RBMS3: variants seen among roughly 807,000 people sequenced by gnomAD.
RBMS3 encodes RNA-binding motif, single-stranded-interacting protein 3.
In RBMS3, 27 loss-of-function variants were observed where a neutral mutation model predicts 66.8. The ratio of observed to expected loss-of-function variants is 0.40; its 90% CI spans 0.30 to 0.56. The LOEUF (loss-of-function observed/expected upper bound fraction) is 0.56, where lower values mean the gene tolerates loss of function less well. Ranked by LOEUF, RBMS3 falls within the 20% of genes least tolerant of loss-of-function variation. The pLI is 0.40. For missense variants in RBMS3, 513 were observed against 549.5 expected, an observed-to-expected ratio of 0.93 and a Z score of 0.66; for synonymous variants, 188 against 183.0, an observed-to-expected ratio of 1.03 and a Z score of -0.22.
intron 10 of RBMS3, among the ~76,000 whole-genome samples, chr3:29,923,482 T>A (rs925358437): frequency 6.6e-6 from 1 of 152,198 alleles, no homozygotes; most frequent in African/African-American, 2.4e-5. Flanking sequence ...GGCTTGCTCT[T>A]GCATGAAATA....
At chr3:29,787,512 A>T (rs1417630840) in intron 6 of RBMS3, among the ~76,000 whole-genome samples, 3 of 152,226 alleles carry the variant, frequency 2.0e-5, no homozygotes, top group Non-Finnish European at 2.9e-5. Flanking sequence ...ATAAAAAGGA[A>T]TGAAATAATG....
chr3:29,999,739 C>T (rs1448597427), intron 14 of RBMS3, among the ~76,000 whole-genome samples: 1 of 151,550 alleles, frequency 6.6e-6, no homozygotes, highest in Non-Finnish European at 1.5e-5. Context: ...AGGGGAACAT[C>T]ACACACCGGG....
chr3:29,400,249 A>G (rs374819325), intron 1 of RBMS3, among the ~76,000 whole-genome samples: 4 of 152,244 alleles, frequency 2.6e-5, no homozygotes, highest in African/African-American at 9.6e-5. Context: ...TGCTGACACC[A>G]CAGACATTCT....
intron 2 of RBMS3, among the ~76,000 whole-genome samples, chr3:29,468,323 C>G (rs961759840): frequency 6.6e-6 from 1 of 152,124 alleles, no homozygotes; most frequent in South Asian, 2.1e-4. Flanking sequence ...AGAAGGCTTG[C>G]GGTTTGATGG....
intron 2 of RBMS3, among the ~76,000 whole-genome samples, chr3:29,457,828 T>A: frequency 1.7e-5 from 1 of 58,852 alleles, no homozygotes; most frequent in East Asian, 4.0e-4. Context: ...CAATTTGCAC[T>A]TTTTTTTTTT....
At chr3:29,651,999 C>T (rs534166585) in intron 4 of RBMS3, among the ~76,000 whole-genome samples, 2 of 152,234 alleles carry the variant, frequency 1.3e-5, no homozygotes, top group South Asian at 2.1e-4. Flanking sequence ...CCAGCTTATA[C>T]GCACATAAAT....
chr3:29,900,815 G>A (rs2060234074), intron 10 of RBMS3, among the ~76,000 whole-genome samples: 2 of 151,824 alleles, frequency 1.3e-5, no homozygotes, highest in East Asian at 3.9e-4. Context: ...CATTATACAA[G>A]GAAGAAGCAG....
At chr3:29,984,266 C>T (rs868312438) in intron 12 of RBMS3, among the ~76,000 whole-genome samples, 2 of 151,826 alleles carry the variant, frequency 1.3e-5, no homozygotes, top group African/African-American at 4.8e-5. Flanking sequence ...TCCATCAGGT[C>T]ATATATGTTC....
At chr3:29,796,257 C>T (rs2057180451) in intron 6 of RBMS3, among the ~76,000 whole-genome samples, 1 of 152,130 alleles carries the variant, frequency 6.6e-6, no homozygotes. Context: ...AGCCACCGTG[C>T]CCACCCCCAT....
rs1050808222 is a variant in RBMS3, at chr3:29,443,820, A to G, written c.248+8905A>G. Among the ~76,000 whole-genome samples the G allele has an allele frequency of 8.5e-5, 13 of 152,066 alleles. 1 individual carries two copies. Among genetic ancestry groups the G allele is most frequent in the African/African-American group, 3.1e-4 (13 of 41,422 alleles). Reference sequence around the variant, plus strand: ...GGAATATATTTTGGAGATAGTTTTGATAGCATTTACTCATGAATGGCATAT... The same window carrying G: ...GGAATATATTTTGGAGATAGTTTTGGTAGCATTTACTCATGAATGGCATAT... On this transcript the variant is annotated intron_variant, in intron 2 of 14. Coordinates refer to ENST00000383767, the MANE Select transcript of RBMS3 (RefSeq NM_001003793.3).
chr3:29,991,827 A>G (rs1191739619), intron 14 of RBMS3: 1 of 152,232 alleles, frequency 6.6e-6, no homozygotes, highest in Admixed American at 6.5e-5. Flanking sequence ...TTGTAGGGTT[A>G]CTTTGAATAC....
chr3:29,790,019 G>T (rs575112851), intron 6 of RBMS3, among the ~76,000 whole-genome samples: 1 of 152,070 alleles, frequency 6.6e-6, no homozygotes, highest in Non-Finnish European at 1.5e-5. Flanking sequence ...AAAGACAAAA[G>T]GTGTTATATC....
chr3:29,713,027 A>G (rs1051951766), intron 4 of RBMS3, among the ~76,000 whole-genome samples: 1 of 152,114 alleles, frequency 6.6e-6, no homozygotes, highest in Non-Finnish European at 1.5e-5. Flanking sequence ...GAACCTTAAT[A>G]TATTTTCCCT....
intron 1 of RBMS3, among the ~76,000 whole-genome samples, chr3:29,362,111 G>C (rs9829147): frequency 0.099 from 15,017 of 152,212 alleles, 1,496 homozygotes; most frequent in African/African-American, 0.26. Context: ...TCCTTTGGAG[G>C]AGGAGAGGCG....
chr3:29,663,807 C>A (rs182935264), intron 4 of RBMS3, among the ~76,000 whole-genome samples: 1 of 152,186 alleles, frequency 6.6e-6, no homozygotes, highest in African/African-American at 2.4e-5. Flanking sequence ...TTGGCTAACT[C>A]ATATATATGG....
chr3:29,490,166 T>A (rs923733147), intron 3 of RBMS3, among the ~76,000 whole-genome samples: 2 of 151,316 alleles, frequency 1.3e-5, no homozygotes, highest in Non-Finnish European at 2.9e-5. Flanking sequence ...AAATTAAATT[T>A]AATTTAAAAT....
At chr3:29,747,714 CAAAG>C (rs1281249737) in intron 5 of RBMS3, among the ~76,000 whole-genome samples, 3 of 152,110 alleles carry the variant, frequency 2.0e-5, no homozygotes, top group Non-Finnish European at 2.9e-5. Context: ...AAACTCTCAG[CAAAG>C]AAAGGGGTAG....
chr3:29,727,750 C>T (rs1003038459), intron 4 of RBMS3, among the ~76,000 whole-genome samples: 6 of 152,166 alleles, frequency 3.9e-5, no homozygotes, highest in African/African-American at 1.4e-4. Context: ...TGCTTTTACA[C>T]TGTTGGTGGG....
At chr3:29,733,722 C>T (rs551739293) in intron 4 of RBMS3, among the ~76,000 whole-genome samples, 69 of 152,164 alleles carry the variant, frequency 4.5e-4, no homozygotes, top group African/African-American at 1.6e-3. Context: ...TCTCCTTACT[C>T]GGTTGATTGT....
Sources: allele counts gnomAD v4.1 joint callset (sites outside exome capture counted in the v4.1 genomes callset), GRCh38; gene constraint gnomAD v4.1.1; transcripts MANE v1.5; gene names NCBI Gene and HGNC (gene_info 2026-07-23, HGNC 2026-07-21).